TTLL5: variants seen among roughly 807,000 people sequenced by gnomAD.
TTLL5 encodes the protein tubulin tyrosine ligase like 5.
TTLL5 carries 132 observed loss-of-function variants against 168.4 expected under a neutral mutation model. The ratio of observed to expected loss-of-function variants is 0.78; its 90% CI spans 0.68 to 0.91. TTLL5 has a LOEUF of 0.91. TTLL5 is among the 40% of genes least tolerant of loss of function. The pLI, the probability that TTLL5 is intolerant of heterozygous loss-of-function variation, is 0.00. For synonymous variants in TTLL5, 546 were observed against 558.6 expected (o/e 0.98, Z 0.32); for missense variants, 1,545 against 1,581.5 (o/e 0.98, Z 0.39).
intron 27 of TTLL5, among the ~76,000 whole-genome samples, chr14:75,819,276 T>A (rs1035799516): frequency 6.6e-6 from 1 of 152,214 alleles, no homozygotes; most frequent in Non-Finnish European, 1.5e-5. Flanking sequence ...AATAAGGTAT[T>A]GCCAGTTGAT....
intron 27 of TTLL5, among the ~76,000 whole-genome samples, chr14:75,796,037 C>T (rs1225440555): frequency 1.3e-5 from 2 of 152,224 alleles, no homozygotes; most frequent in East Asian, 3.8e-4. Flanking sequence ...TACTAGTTTA[C>T]ATTCCCACCA....
At chr14:75,806,736 G>C (rs1217543199) in intron 27 of TTLL5, among the ~76,000 whole-genome samples, 1 of 152,168 alleles carries the variant, frequency 6.6e-6, no homozygotes, top group Non-Finnish European at 1.5e-5. Flanking sequence ...TGCTGCCTCA[G>C]CACCTGACTC....
At chr14:75,881,023 C>T (rs1221390156) in intron 29 of TTLL5, among the ~76,000 whole-genome samples, 1 of 152,198 alleles carries the variant, frequency 6.6e-6, no homozygotes, top group African/African-American at 2.4e-5. Flanking sequence ...AAAGGATTCT[C>T]CCACCTCAGC....
intron 7 of TTLL5, 71 bp from the exon 8 acceptor site, chr14:75,706,947 C>A: frequency 3.8e-6 from 5 of 1,325,756 alleles, no homozygotes; most frequent in Non-Finnish European, 5.4e-6. Flanking sequence ...AGGTTAAGAA[C>A]TTTGCTCCCT....
rs1162778704 is a variant in TTLL5, at chr14:75,779,448, A to G, written c.2388-127A>G. ...TATTTTATTTTAACCACCTATTAAT[A>G]GGGAATTTTCAGCTTGTGCTTTTCA... On this transcript the variant is annotated intron_variant, in intron 23 of 31. Coordinates refer to ENST00000298832, the MANE Select transcript of TTLL5 (RefSeq NM_015072.5). 3.0e-6 allele frequency: 4 copies of G among 1,326,624 alleles called. No homozygotes were observed. The African/African-American group carries it at 4.5e-5, about 15-fold the overall frequency. The allele number at this position is 1,326,624 out of a possible 1,614,324, so 82.2% of individuals were successfully genotyped here.
At chr14:75,698,374 C>T (rs931400709) in intron 6 of TTLL5, among the ~76,000 whole-genome samples, 1 of 152,140 alleles carries the variant, frequency 6.6e-6, no homozygotes, top group African/African-American at 2.4e-5. Flanking sequence ...AATGATTGTC[C>T]TTCCTCTCCA....
intron 31 of TTLL5, chr14:75,902,517 C>T (rs2032968981): frequency 8.7e-6 from 5 of 575,458 alleles, no homozygotes; most frequent in South Asian, 7.6e-5. Flanking sequence ...TGGTATTTCA[C>T]TGTCTATGTT....
intron 17 of TTLL5, among the ~76,000 whole-genome samples, chr14:75,750,081 G>A (rs1889854110): frequency 1.3e-5 from 2 of 152,012 alleles, no homozygotes; most frequent in African/African-American, 2.4e-5. Flanking sequence ...AAAACAATGT[G>A]ACTTGTCCGT....
intron 4 of TTLL5, among the ~76,000 whole-genome samples, chr14:75,682,441 C>T (rs140079702): frequency 2.4e-4 from 36 of 152,298 alleles, no homozygotes; most frequent in Non-Finnish European, 4.7e-4. Context: ...TCTCAAGGCA[C>T]TGCCATGGGC....
intron 8 of TTLL5, among the ~76,000 whole-genome samples, chr14:75,707,372 A>G (rs1461174435): frequency 6.6e-6 from 1 of 152,118 alleles, no homozygotes; most frequent in African/African-American, 2.4e-5. Flanking sequence ...TTATATATAC[A>G]TTACAGTTAT....
At chr14:75,876,762 A>G (rs1479569443) in intron 29 of TTLL5, among the ~76,000 whole-genome samples, 1 of 152,254 alleles carries the variant, frequency 6.6e-6, no homozygotes, top group Non-Finnish European at 1.5e-5. Flanking sequence ...AACTCCATAC[A>G]GTGTGAGACA....
At chr14:75,910,066 C>T (rs1435979240) in intron 31 of TTLL5, among the ~76,000 whole-genome samples, 4 of 152,152 alleles carry the variant, frequency 2.6e-5, no homozygotes, top group Non-Finnish European at 5.9e-5. Context: ...TTGAAGAAAA[C>T]CAGAGAACTC....
intron 28 of TTLL5, among the ~76,000 whole-genome samples, chr14:75,843,631 A>G (rs1896373140): frequency 6.6e-6 from 1 of 152,222 alleles, no homozygotes; most frequent in African/African-American, 2.4e-5. Flanking sequence ...GAGTGCTCAG[A>G]TTCTGCAGTT....
At chr14:75,932,466 GT>G (rs1306437920) in intron 31 of TTLL5, among the ~76,000 whole-genome samples, 2 of 152,120 alleles carry the variant, frequency 1.3e-5, no homozygotes, top group Non-Finnish European at 2.9e-5. Flanking sequence ...GTTTTTTGCT[GT>G]TTGCCTCTAC....
chr14:75,890,091 A>G lies in TTLL5; in HGVS notation c.3740+7189A>G, dbSNP rs555545844. ...ATAAACTGGCTTCAGGTGATTGCCC[A>G]GTGTTGTTTTGGAAAGACCCATGAG... On this transcript the variant is annotated intron_variant, in intron 30 of 31. Transcript: ENST00000298832. Among the ~76,000 whole-genome samples the G allele has an allele frequency of 6.2e-4, 94 of 152,348 alleles. 1 individual carries two copies. Among genetic ancestry groups the G allele is most frequent in the African/African-American group, 2.2e-3 (93 of 41,580 alleles).
chr14:75,919,999 T>A lies in TTLL5; in HGVS notation c.3823+17775T>A, dbSNP rs555509817. ...AGCCAGGCATAGTGCCTCACGCCTG[T>A]AAGTTCCAGCTACTGGGGAGGCTGA... is the stretch of plus-strand genomic sequence containing the variant. On this transcript the variant is annotated intron_variant, in intron 31 of 31. Transcript: ENST00000298832. 5.9e-5 allele frequency among the ~76,000 whole-genome samples: 9 copies of A among 152,112 alleles called. No homozygotes were observed. In the South Asian group the frequency reaches 1.9e-3, roughly 32 times the overall value.
Position 75,663,186 on chromosome 14 carries a change from G to GCATC in TTLL5, c.38_41dup (p.Ser15IlefsTer6), listed in dbSNP as rs754699266. 1 of 1,613,662 alleles carries GCATC rather than the reference G, an allele frequency of 6.2e-7. No individual in the cohort carries two copies. The highest frequency in any genetic ancestry group is 8.5e-7 in the Non-Finnish European group (1 of 1,179,880). On this transcript the variant is annotated frameshift_variant, in exon 2 of 32. Transcript: ENST00000298832. LOFTEE classifies it high-confidence loss of function. ...GATGGCCCGGGACCTGGAGGAAACA[G>GCATC]CATCATCCTCAGAGGATGAGGAGGT...
intron 18 of TTLL5, among the ~76,000 whole-genome samples, chr14:75,755,972 GCCACCCCC>G (rs1890233643): frequency 5.3e-5 from 7 of 132,838 alleles, no homozygotes; most frequent in African/African-American, 8.6e-5. Flanking sequence ...TTATGTCCTG[GCCACCCCC>G]CCACCGCCCC....
At chr14:75,669,375 TTTTGAGCTGTAAA>T in intron 2 of TTLL5, 28 bp from the exon 3 acceptor site, 1 of 1,573,258 alleles carries the variant, frequency 6.4e-7, no homozygotes, top group Non-Finnish European at 8.7e-7. Context: ...TTAGTTCAGG[TTTTGAGCTGTAAA>T]TTAATGAAGG....
Sources: allele counts gnomAD v4.1 joint callset (sites outside exome capture counted in the v4.1 genomes callset), GRCh38; gene constraint gnomAD v4.1.1; transcripts MANE v1.5; gene names NCBI Gene and HGNC (gene_info 2026-07-23, HGNC 2026-07-21).